Variants in KANSL1 observed in about 807,000 individuals in gnomAD.
KANSL1 encodes the protein MLL1/MLL complex subunit KANSL1.
In KANSL1, 22 loss-of-function variants were observed where a neutral mutation model predicts 103.6. The observed-to-expected ratio is 0.21, with a 90% CI of 0.15 to 0.30. The LOEUF is 0.30. KANSL1 is among the 10% of genes least tolerant of loss of function. The pLI, the probability that KANSL1 is intolerant of heterozygous loss-of-function variation, is 1.00. For synonymous variants in KANSL1, 600 were observed against 527.6 expected, an observed-to-expected ratio of 1.14 and a Z score of -1.88; for missense variants, 1,337 against 1,399.8, an observed-to-expected ratio of 0.96 and a Z score of 0.72.
At chr17:46,032,638 A>C (rs900085123) in intron 13 of KANSL1, 4 of 344,118 alleles carry the variant, frequency 1.2e-5, no homozygotes, top group Non-Finnish European at 2.1e-5. Flanking sequence ...TCTACTTGAG[A>C]ATCCCGAGGG....
chr17:46,196,180 G>A, upstream of KANSL1: 1 of 382,096 alleles, frequency 2.6e-6, no homozygotes, highest in Non-Finnish European at 5.1e-6. Context: ...CAAGGCTGCA[G>A]TGAGTCATGA....
intron 1 of KANSL1, among the ~76,000 whole-genome samples, chr17:46,173,150 C>T (rs2046366274): frequency 6.6e-6 from 1 of 152,190 alleles, no homozygotes; most frequent in Admixed American, 6.5e-5. Flanking sequence ...TCCTGATGTC[C>T]TTGTACTATC....
At chr17:46,204,146 C>T (rs1237874318) in intron 1 of KANSL1, among the ~76,000 whole-genome samples, 2 of 151,974 alleles carry the variant, frequency 1.3e-5, no homozygotes, top group Non-Finnish European at 2.9e-5. Context: ...ATAGGAAGAC[C>T]CTATCTCTAA....
At chr17:46,136,187 T>C (rs1258294995) in intron 2 of KANSL1, among the ~76,000 whole-genome samples, 2 of 152,154 alleles carry the variant, frequency 1.3e-5, no homozygotes, top group Non-Finnish European at 2.9e-5. Flanking sequence ...GGGAAAATAA[T>C]AATCCATGGT....
intron 1 of KANSL1, among the ~76,000 whole-genome samples, chr17:46,175,114 G>T (rs2046456715): frequency 6.6e-6 from 1 of 152,096 alleles, no homozygotes; most frequent in Non-Finnish European, 1.5e-5. Context: ...CCCAAATGAG[G>T]GCAATCTCCA....
rs558000057 is a variant in KANSL1, at chr17:46,034,675, T to A, written c.2542-390A>T. 3 of 209,004 alleles carry A rather than the reference T, an allele frequency of 1.4e-5. No homozygotes were observed. In the South Asian group the frequency reaches 2.3e-4, roughly 16 times the overall value. 12.9% of individuals were successfully genotyped at this position (209,004 alleles called of 1,614,324 possible). On this transcript the variant is annotated intron_variant, in intron 10 of 14. Transcript: ENST00000432791. Reference sequence around the variant, plus strand: ...TTTATCCCCGTTTATGACTTAAGACTCATAGTGGCCCCTCCCCTAAAAGCA... The same window carrying A: ...TTTATCCCCGTTTATGACTTAAGACACATAGTGGCCCCTCCCCTAAAAGCA...
intron 2 of KANSL1, among the ~76,000 whole-genome samples, chr17:46,154,961 C>A (rs2045335610): frequency 6.6e-6 from 1 of 152,148 alleles, no homozygotes; most frequent in Non-Finnish European, 1.5e-5. Flanking sequence ...CACGAGCAGC[C>A]TAATCTCTCA....
upstream of KANSL1, among the ~76,000 whole-genome samples, chr17:46,197,283 C>T (rs2047643585): frequency 6.6e-6 from 1 of 152,210 alleles, no homozygotes; most frequent in Non-Finnish European, 1.5e-5. Flanking sequence ...CTCTCCAATC[C>T]ACCTACAACT....
At chr17:46,213,123 C>T (rs1370996877) in intron 1 of KANSL1, among the ~76,000 whole-genome samples, 1 of 148,188 alleles carries the variant, frequency 6.7e-6, no homozygotes, top group East Asian at 2.5e-4. Context: ...CATCAAGTGC[C>T]CAGTAAAAAA....
chr17:46,038,997 C>CAGGTAGAGGTGCCA (rs1172321049), intron 9 of KANSL1, 30 bp downstream of exon 9: 2 of 1,594,260 alleles, frequency 1.3e-6, no homozygotes, highest in Admixed American at 3.7e-5. Context: ...GGTGCAGTTG[C>CAGGTAGAGGTGCCA]AGGTAGAGGT....
intron 2 of KANSL1, among the ~76,000 whole-genome samples, chr17:46,144,903 G>A (rs1005729049): frequency 3.9e-5 from 6 of 152,136 alleles, no homozygotes; most frequent in South Asian, 2.1e-4. Context: ...CCTCACATTC[G>A]TTGGATGCCA....
At chr17:46,201,912 TG>T (rs1391122907) in intron 1 of KANSL1, among the ~76,000 whole-genome samples, 185 of 152,074 alleles carry the variant, frequency 1.2e-3, no homozygotes, top group South Asian at 1.0e-3. Flanking sequence ...GAAGCCAAGG[TG>T]GGAGAATCAC....
At chr17:46,059,414 T>C (rs1261322781) in intron 6 of KANSL1, among the ~76,000 whole-genome samples, 1 of 150,764 alleles carries the variant, frequency 6.6e-6, no homozygotes, top group Non-Finnish European at 1.5e-5. Context: ...AGGTCAGGAG[T>C]TCGAAACCAG....
In KANSL1 at chr17:46,210,015, C is replaced by T. The variant is rs576815628; in HGVS notation, c.-90+13656G>A. 2.0e-5 allele frequency among the ~76,000 whole-genome samples: 3 copies of T among 152,306 alleles called. No individual in the cohort carries two copies. In the East Asian group the frequency reaches 5.8e-4, roughly 29 times the overall value. On this transcript the variant is annotated intron_variant, in intron 1 of 14. Coordinates refer to the KANSL1 transcript ENST00000572904. Reference sequence around the variant, plus strand: ...AAAATGCTGTCATCAAAGTAACTTCCATCTACTCAAGTAGGCTGCAACTTC... The same window carrying T: ...AAAATGCTGTCATCAAAGTAACTTCTATCTACTCAAGTAGGCTGCAACTTC...
At chr17:46,150,497 T>C (rs1298401351) in intron 2 of KANSL1, among the ~76,000 whole-genome samples, 1 of 152,272 alleles carries the variant, frequency 6.6e-6, no homozygotes, top group Non-Finnish European at 1.5e-5. Context: ...GTCATCTCTG[T>C]ATTTCCCACA....
chr17:46,204,900 G>A (rs1421585742), intron 1 of KANSL1, among the ~76,000 whole-genome samples: 1 of 152,128 alleles, frequency 6.6e-6, no homozygotes, highest in East Asian at 1.9e-4. Context: ...ATGCTTTCAT[G>A]ATAAAAACAC....
At chr17:46,138,169 A>G (rs1265438248) in intron 2 of KANSL1, among the ~76,000 whole-genome samples, 1 of 152,224 alleles carries the variant, frequency 6.6e-6, no homozygotes, top group Non-Finnish European at 1.5e-5. Flanking sequence ...AGTTCCCAAA[A>G]TAGGAAACTT....
rs554831059 is a variant in KANSL1 at position 46,127,731 on chromosome 17, T to C, written c.1290-33030A>G. ...ACAGCAAGGGTGCAGTGAGCCGAGA[T>C]TGCACCAATGCACTCCAGCCTGGGC... On this transcript the variant is annotated intron_variant, in intron 2 of 14. Transcript: ENST00000432791. Among the ~76,000 whole-genome samples, 76 of 151,962 alleles carry C rather than the reference T, an allele frequency of 5.0e-4. No individual in the cohort carries two copies. The Middle Eastern group carries it at 0.01, about 20-fold the overall frequency.
chr17:46,110,646 C>T (rs2042762950), intron 2 of KANSL1, among the ~76,000 whole-genome samples: 1 of 152,128 alleles, frequency 6.6e-6, no homozygotes, highest in African/African-American at 2.4e-5. Flanking sequence ...TCTGAATTCA[C>T]TAAGGTTCTG....
Sources: allele counts gnomAD v4.1 joint callset (sites outside exome capture counted in the v4.1 genomes callset), GRCh38; gene constraint gnomAD v4.1.1; transcripts MANE v1.5; gene names NCBI Gene and HGNC (gene_info 2026-07-23, HGNC 2026-07-21).